Variants in DNAJC6 observed in about 807,000 individuals in gnomAD.
DNAJC6 encodes DnaJ heat shock protein family (Hsp40) member C6.
DNAJC6 carries 34 observed loss-of-function variants against 110.0 expected under a neutral mutation model. The observed-to-expected ratio is 0.31, with a 90% CI of 0.24 to 0.41. The LOEUF is 0.41. Among genes scored for constraint, DNAJC6 ranks in the 10% least tolerant of loss-of-function variants. The pLI is 1.00. For missense variants in DNAJC6, 1,031 were observed against 1,207.8 expected, an observed-to-expected ratio of 0.85 and a Z score of 2.17; for synonymous variants, 406 against 437.2, an observed-to-expected ratio of 0.93 and a Z score of 0.89.
chr1:65,391,439 C>G (rs1166735110), intron 11 of DNAJC6, among the ~76,000 whole-genome samples: 3 of 152,140 alleles, frequency 2.0e-5, no homozygotes, highest in African/African-American at 4.8e-5. Context: ...CAGAGGAGGC[C>G]TCTTTCCTGC....
chr1:65,389,364 A>G lies in DNAJC6; in HGVS notation c.1302A>G (p.Pro434=). ...ACAAAGTAATAGACTTAACTCCACC[A>G]TGGGAACATTACTGCACAAAAGATG... ...PHDKVIDLTP[P]WEHYCTKDVN... Residue 434 remains proline, a synonymous_variant, in exon 10 of 19, where the codon CCA becomes CCG. Transcript: ENST00000371069. 1 of 1,614,168 alleles carries G rather than the reference A, an allele frequency of 6.2e-7. No individual in the cohort carries two copies. Among genetic ancestry groups the G allele is most frequent in the Non-Finnish European group, 8.5e-7 (1 of 1,180,014 alleles).
rs1167572126 is a variant in DNAJC6, at chr1:65,385,836, C to T, written c.925C>T (p.Arg309Cys). 10 of 1,613,948 alleles carry T rather than the reference C, an allele frequency of 6.2e-6. No homozygotes were observed. Among genetic ancestry groups the T allele is most frequent in the Admixed American group, 3.3e-5 (2 of 59,996 alleles). The change falls in exon 7 of 19, where the codon CGC becomes TGC. Residue 309 changes from arginine (R) to cysteine (C), a missense_variant. By Grantham distance (180) the Arg-to-Cys change is radical. Coordinates refer to ENST00000371069, the MANE Select transcript of DNAJC6 (RefSeq NM_001256864.2). ...PFFNKQRNGC[R>C]PYCDVLIGET... is the part of the protein sequence containing the mutation. ...TTTCAACAAACAGAGGAATGGATGT[C>T]GCCCTTACTGTGATGTACTCATTGG... is the stretch of plus-strand genomic sequence containing the variant.
At position 65,385,760 on chromosome 1, in the gene DNAJC6, T is replaced by C. The variant is rs1418273129; in HGVS notation, c.849T>C (p.Pro283=). ...TACTGGCAGACAAGCCCTACCGCCC[T>C]CACTTCAAGCCTCTCACAATTAAGT... ...CDLLADKPYR[P]HFKPLTIKSI... is the part of the protein sequence containing the mutation. Residue 283 remains proline, a synonymous_variant, in exon 7 of 19, where the codon CCT becomes CCC. Coordinates refer to ENST00000371069, the MANE Select transcript of DNAJC6 (RefSeq NM_001256864.2). 1.9e-6 allele frequency: 3 copies of C among 1,613,576 alleles called. No individual in the cohort carries two copies. The highest frequency in any genetic ancestry group is 2.7e-5 in the African/African-American group (2 of 74,918).
chr1:65,341,619 G>A (rs989508733), intron 1 of DNAJC6, among the ~76,000 whole-genome samples: 1 of 152,206 alleles, frequency 6.6e-6, no homozygotes, highest in Non-Finnish European at 1.5e-5. Flanking sequence ...AGTCTGTAGA[G>A]TGGTTCTTTG....
In DNAJC6 at chr1:65,394,191, C is replaced by T. The variant is rs377256217; in HGVS notation, c.1904-707C>T. Among the ~76,000 whole-genome samples the T allele has an allele frequency of 2.6e-5, 4 of 152,168 alleles. No homozygotes were observed. The South Asian group carries it at 6.2e-4, about 24-fold the overall frequency. On this transcript the variant is annotated intron_variant, in intron 12 of 18. Transcript: ENST00000371069. The stretch of plus-strand genomic sequence containing the variant: ...TAGTTTCAGGCAGCTAGTGGAATTC[C>T]AGTGCCAGAAGGGGCCTTAGACATC...
chr1:65,388,063 G>C (rs771560134), intron 8 of DNAJC6, among the ~76,000 whole-genome samples: 4 of 152,196 alleles, frequency 2.6e-5, no homozygotes, highest in Non-Finnish European at 4.4e-5. Context: ...GGCATCCTGG[G>C]TAGAAGGAAT....
intron 1 of DNAJC6, among the ~76,000 whole-genome samples, chr1:65,341,568 C>T (rs1260904669): frequency 6.6e-6 from 1 of 152,180 alleles, no homozygotes; most frequent in Non-Finnish European, 1.5e-5. Flanking sequence ...CACTGATATG[C>T]TTTCACACCA....
intron 1 of DNAJC6, among the ~76,000 whole-genome samples, chr1:65,290,340 T>G (rs1644858622): frequency 1.3e-5 from 2 of 152,230 alleles, no homozygotes; most frequent in African/African-American, 2.4e-5. Context: ...TGTCTTTGGA[T>G]GAACCGAAAT....
intron 1 of DNAJC6, among the ~76,000 whole-genome samples, chr1:65,267,372 T>C (rs1653369585): frequency 4.6e-5 from 7 of 152,170 alleles, no homozygotes; most frequent in Admixed American, 4.6e-4. Context: ...TAGATTCCTG[T>C]TTTTCAGATT....
intron 1 of DNAJC6, among the ~76,000 whole-genome samples, chr1:65,288,968 T>C (rs1399406861): frequency 1.3e-5 from 2 of 152,218 alleles, no homozygotes; most frequent in Non-Finnish European, 2.9e-5. Context: ...TATTCCCATA[T>C]GTGTCTTTTG....
intron 11 of DNAJC6, among the ~76,000 whole-genome samples, chr1:65,391,043 T>G (rs1224349659): frequency 2.0e-5 from 3 of 152,234 alleles, no homozygotes; most frequent in African/African-American, 7.2e-5. Flanking sequence ...GAGCCAGGTA[T>G]GTTTAGGAAT....
chr1:65,378,467 T>C (rs925174454), intron 4 of DNAJC6, among the ~76,000 whole-genome samples: 1 of 152,234 alleles, frequency 6.6e-6, no homozygotes, highest in African/African-American at 2.4e-5. Context: ...GCTCTTGAAG[T>C]ACATGTTCAT....
chr1:65,407,015 G>A (rs555280372), intron 16 of DNAJC6, among the ~76,000 whole-genome samples: 3 of 152,102 alleles, frequency 2.0e-5, no homozygotes, highest in South Asian at 2.1e-4. Flanking sequence ...CTTTATTTGT[G>A]GTTTTATTTG....
At chr1:65,309,515 T>C (rs1286869630), upstream of DNAJC6, 4 of 904,356 alleles carry the variant, frequency 4.4e-6, no homozygotes, top group Middle Eastern at 5.1e-4. Flanking sequence ...CCGCGTCTCC[T>C]TCCCTCCCTC....
intron 1 of DNAJC6, among the ~76,000 whole-genome samples, chr1:65,302,523 CT>C (rs1169755787): frequency 6.8e-4 from 58 of 85,328 alleles, no homozygotes; most frequent in South Asian, 2.9e-3. Flanking sequence ...CTCTTCCTTT[CT>C]TTTTTTTTTT....
intron 1 of DNAJC6, among the ~76,000 whole-genome samples, chr1:65,352,915 C>T (rs1243872725): frequency 6.6e-6 from 1 of 152,208 alleles, no homozygotes; most frequent in African/African-American, 2.4e-5. Flanking sequence ...ATAGAGTTCT[C>T]TCAGTTGCCC....
intron 1 of DNAJC6, among the ~76,000 whole-genome samples, chr1:65,296,884 C>T (rs944887159): frequency 1.3e-5 from 2 of 152,138 alleles, no homozygotes; most frequent in African/African-American, 4.8e-5. Context: ...CCACGCCCAG[C>T]CTCATTCAGC....
intron 1 of DNAJC6, among the ~76,000 whole-genome samples, chr1:65,300,860 A>C (rs1644972438): frequency 6.6e-6 from 1 of 152,188 alleles, no homozygotes; most frequent in Non-Finnish European, 1.5e-5. Flanking sequence ...TGCCTTCTGC[A>C]TCACCATCTT....
At chr1:65,403,060 TTAA>T (rs1226106013) in intron 15 of DNAJC6, among the ~76,000 whole-genome samples, 1 of 152,200 alleles carries the variant, frequency 6.6e-6, no homozygotes, top group Non-Finnish European at 1.5e-5. Context: ...AACTCCTGCC[TTAA>T]TAAAACTTAC....
Sources: gnomAD v4.1 joint callset for allele counts (sites outside exome capture counted in the v4.1 genomes callset) on GRCh38, gnomAD v4.1.1 for gene constraint, MANE v1.5 for transcripts, NCBI Gene and HGNC (gene_info 2026-07-23, HGNC 2026-07-21) for gene names.